The following EIF4ENIF1 variants were observed in gnomAD, a reference collection of about 807,000 sequenced individuals.
EIF4ENIF1 encodes eukaryotic translation initiation factor 4E nuclear import factor 1.
In EIF4ENIF1, 23 loss-of-function variants were observed where a neutral mutation model predicts 110.5. The ratio of observed to expected loss-of-function variants is 0.21; its 90% confidence interval spans 0.15 to 0.29. EIF4ENIF1 has a LOEUF of 0.29. Ranked by LOEUF, EIF4ENIF1 falls within the 10% of genes least tolerant of loss-of-function variation. EIF4ENIF1 has a pLI of 1.00. For missense variants in EIF4ENIF1, 1,031 were observed against 1,221.1 expected, an observed-to-expected ratio of 0.84 and a Z score of 2.32; for synonymous variants, 440 against 437.0, an observed-to-expected ratio of 1.01 and a Z score of -0.09.
chr22:31,477,245 T>G (rs2051609861), intron 2 of EIF4ENIF1, among the ~76,000 whole-genome samples: 1 of 151,004 alleles, frequency 6.6e-6, no homozygotes, highest in African/African-American at 2.4e-5. Flanking sequence ...ATGCCTGTAA[T>G]CTCAGCCTCA....
At chr22:31,453,761 A>G (rs1162699186) in intron 10 of EIF4ENIF1, among the ~76,000 whole-genome samples, 1 of 152,206 alleles carries the variant, frequency 6.6e-6, no homozygotes, top group Non-Finnish European at 1.5e-5. Flanking sequence ...ATGTGAATAA[A>G]GATTTTACTA....
intron 2 of EIF4ENIF1, among the ~76,000 whole-genome samples, chr22:31,475,717 C>A (rs1008284837): frequency 8.4e-6 from 1 of 119,062 alleles, no homozygotes; most frequent in Non-Finnish European, 1.8e-5. Flanking sequence ...AGCGAGACTC[C>A]GTTTAAAAAA....
At chr22:31,487,069 TC>T (rs750374064) in intron 2 of EIF4ENIF1, among the ~76,000 whole-genome samples, 2 of 141,634 alleles carry the variant, frequency 1.4e-5, no homozygotes, top group East Asian at 3.9e-4. Context: ...AAACTCCATC[TC>T]AAAAAAAAAA....
intron 3 of EIF4ENIF1, among the ~76,000 whole-genome samples, chr22:31,471,633 GCTTT>G (rs777149914): frequency 6.6e-5 from 10 of 152,142 alleles, no homozygotes; most frequent in Non-Finnish European, 1.2e-4. Context: ...TCTTAATTCT[GCTTT>G]CTGACTATGT....
At chr22:31,448,924 CA>C (rs2050561480) in intron 12 of EIF4ENIF1, among the ~76,000 whole-genome samples, 1 of 151,704 alleles carries the variant, frequency 6.6e-6, no homozygotes, top group Non-Finnish European at 1.5e-5. Flanking sequence ...AGTTAGATTT[CA>C]ATAAAAAAAA....
At chr22:31,484,030 C>T (rs750485647) in intron 2 of EIF4ENIF1, among the ~76,000 whole-genome samples, 1 of 152,086 alleles carries the variant, frequency 6.6e-6, no homozygotes, top group African/African-American at 2.4e-5. Context: ...TCATCTGAAC[C>T]CCAAAGAATA....
At chr22:31,471,016 CAA>C (rs879352107) in intron 3 of EIF4ENIF1, among the ~76,000 whole-genome samples, 11 of 83,460 alleles carry the variant, frequency 1.3e-4, no homozygotes, top group Middle Eastern at 8.1e-3. Flanking sequence ...CTGTCTCGGA[CAA>C]AAAAAAAAAA....
At chr22:31,489,912 C>A (rs2052201189), upstream of EIF4ENIF1, 1 of 152,258 alleles carries the variant, frequency 6.6e-6, no homozygotes, top group African/African-American at 2.4e-5. Context: ...CACCCTGGCC[C>A]CGGCGCCGCC....
chr22:31,475,794 G>T (rs1334845681), intron 2 of EIF4ENIF1, among the ~76,000 whole-genome samples: 3 of 151,192 alleles, frequency 2.0e-5, no homozygotes, highest in Admixed American at 6.6e-5. Flanking sequence ...AGGGTCACTT[G>T]AGGTCAAGGC....
chr22:31,439,989 C>G lies in EIF4ENIF1; in HGVS notation c.2849G>C (p.Ser950Thr). 1 of 1,613,960 alleles carries G rather than the reference C, an allele frequency of 6.2e-7. No homozygotes were observed. The highest frequency in any genetic ancestry group is 8.5e-7 in the Non-Finnish European group (1 of 1,179,910). The change falls in exon 19 of 19, where the codon AGC becomes ACC. Residue 950 changes from serine to threonine, a missense_variant. Physicochemically the swap from Ser to Thr is moderately conservative, Grantham distance 58. Transcript: ENST00000330125. Reference protein sequence around the residue: ...QLEHRPSQRSSSPVGLAKWFG... With the variant: ...QLEHRPSQRSTSPVGLAKWFG... Reference sequence around the variant, plus strand: ...CCATTTGGCAAGGCCCACAGGGGAGCTGCTCCTCTGGCTGGGGCGATGCTC... The same window carrying G: ...CCATTTGGCAAGGCCCACAGGGGAGGTGCTCCTCTGGCTGGGGCGATGCTC...
chr22:31,474,519 A>T, intron 2 of EIF4ENIF1, among the ~76,000 whole-genome samples: 1 of 147,834 alleles, frequency 6.8e-6, no homozygotes, highest in Non-Finnish European at 1.5e-5. Flanking sequence ...AGACTGTCAT[A>T]CGTTCTAGCT....
In EIF4ENIF1 at chr22:31,452,578, C is replaced by A. The variant is rs11912624; in HGVS notation, c.1512+1566G>T. On this transcript the variant is annotated intron_variant, in intron 10 of 18. Transcript: ENST00000330125. ...CATCAGGTAAACTGCTGAATGCCCCCTTCCATATTTTTAGTTGCTCACACC... is the reference window on the plus strand; with the variant it reads ...CATCAGGTAAACTGCTGAATGCCCCATTCCATATTTTTAGTTGCTCACACC... Among the ~76,000 whole-genome samples the A allele has an allele frequency of 5.3e-3, 800 of 152,244 alleles. 11 individuals carry two copies. The highest frequency in any genetic ancestry group is 0.019 in the African/African-American group (771 of 41,542).
At position 31,451,874 on chromosome 22, in the gene EIF4ENIF1, T is replaced by C. The variant is rs1311237600; in HGVS notation, c.1513-1514A>G. Among the ~76,000 whole-genome samples, 7 of 152,132 alleles carry C rather than the reference T, an allele frequency of 4.6e-5. No individual in the cohort carries two copies. In the East Asian group the frequency reaches 1.3e-3, roughly 29 times the overall value. On this transcript the variant is annotated intron_variant, in intron 10 of 18. Coordinates refer to ENST00000330125, the MANE Select transcript of EIF4ENIF1 (RefSeq NM_019843.4). ...TATGCCCATTTAGCTCTGTGTGAAG[T>C]GCTTTCTCTGGTGTAGTTTCCCTTC...
At chr22:31,460,968 C>CA (rs988024372) in intron 6 of EIF4ENIF1, among the ~76,000 whole-genome samples, 28 of 149,298 alleles carry the variant, frequency 1.9e-4, no homozygotes, top group Admixed American at 4.0e-4. Context: ...AAACAAAAAA[C>CA]AAAAAAAAAG....
intron 10 of EIF4ENIF1, among the ~76,000 whole-genome samples, chr22:31,452,999 T>G (rs2145941014): frequency 6.6e-6 from 1 of 152,122 alleles, no homozygotes; most frequent in Middle Eastern, 3.4e-3. Context: ...ACTTGCATCT[T>G]GGCTAACTGG....
At chr22:31,467,018 T>C (rs1168977826) in intron 4 of EIF4ENIF1, among the ~76,000 whole-genome samples, 1 of 152,200 alleles carries the variant, frequency 6.6e-6, no homozygotes. Flanking sequence ...GAGTTTTCTA[T>C]GAGTCAGTAC....
intron 7 of EIF4ENIF1, among the ~76,000 whole-genome samples, chr22:31,456,779 CA>C (rs1601592653): frequency 6.6e-6 from 1 of 152,328 alleles, no homozygotes; most frequent in East Asian, 1.9e-4. Flanking sequence ...CTTGGCCTCC[CA>C]AAGTGCTGGG....
chr22:31,437,785 C>T (rs1231916253), downstream of EIF4ENIF1: 2 of 152,170 alleles, frequency 1.3e-5, no homozygotes, highest in East Asian at 1.9e-4. Flanking sequence ...CTGTGTTCTG[C>T]CATTGACACT....
At chr22:31,464,240 T>A in intron 4 of EIF4ENIF1, 1 of 355,244 alleles carries the variant, frequency 2.8e-6, no homozygotes, top group Non-Finnish European at 5.0e-6. Context: ...GACCAAATCC[T>A]TATCTAAGAA....
Sources: gnomAD v4.1 joint callset for allele counts (sites outside exome capture counted in the v4.1 genomes callset) on GRCh38, gnomAD v4.1.1 for gene constraint, MANE v1.5 for transcripts, NCBI Gene and HGNC (gene_info 2026-07-23, HGNC 2026-07-21) for gene names.